Variants in GRB10 observed in about 807,000 individuals in gnomAD.
GRB10 encodes growth factor receptor bound protein 10.
Under a neutral mutation model 80.9 loss-of-function variants are expected in GRB10, and 20 were observed. The ratio of observed to expected loss-of-function variants is 0.25; its 90% confidence interval spans 0.17 to 0.36. GRB10 has a LOEUF of 0.36. Among genes scored for constraint, GRB10 ranks in the 10% least tolerant of loss-of-function variants. The pLI is 1.00. For synonymous variants in GRB10, 291 were observed against 291.5 expected (o/e 1.00, Z 0.02); for missense variants, 548 against 747.7 (o/e 0.73, Z 3.12).
At chr7:50,653,100 C>G (rs1223222757) in intron 7 of GRB10, among the ~76,000 whole-genome samples, 1 of 152,210 alleles carries the variant, frequency 6.6e-6, no homozygotes, top group Non-Finnish European at 1.5e-5. Context: ...CACACTCCCC[C>G]CTGCTGGCCT....
intron 18 of GRB10, among the ~76,000 whole-genome samples, chr7:50,595,159 C>T (rs533335688): frequency 1.3e-5 from 2 of 152,170 alleles, no homozygotes; most frequent in Admixed American, 6.5e-5. Context: ...TTCCTGCGAC[C>T]TTGATCCTCC....
At chr7:50,741,563 A>C (rs1473194795) in intron 3 of GRB10, among the ~76,000 whole-genome samples, 1 of 151,094 alleles carries the variant, frequency 6.6e-6, no homozygotes. Context: ...AAAAAAAAAA[A>C]AAAAAAAAAA....
chr7:50,619,760 T>A (rs2051325614), intron 8 of GRB10, among the ~76,000 whole-genome samples: 1 of 152,212 alleles, frequency 6.6e-6, no homozygotes, highest in Non-Finnish European at 1.5e-5. Context: ...AAGATGGTGC[T>A]GTGTACTGTG....
At chr7:50,711,714 G>A (rs766449364) in intron 4 of GRB10, among the ~76,000 whole-genome samples, 3 of 152,066 alleles carry the variant, frequency 2.0e-5, no homozygotes, top group Non-Finnish European at 2.9e-5. Context: ...CACACAAGCC[G>A]TCAGATACAG....
intron 17 of GRB10, among the ~76,000 whole-genome samples, chr7:50,597,671 A>C (rs1308405748): frequency 1.3e-5 from 2 of 152,198 alleles, no homozygotes; most frequent in African/African-American, 4.8e-5. Flanking sequence ...TCACCCTGGG[A>C]AGTCCCAAGG....
At chr7:50,678,306 A>G (rs1355833358) in intron 5 of GRB10, among the ~76,000 whole-genome samples, 1 of 152,252 alleles carries the variant, frequency 6.6e-6, no homozygotes, top group Non-Finnish European at 1.5e-5. Flanking sequence ...ACTATTTTCT[A>G]CTTTAATACA....
At chr7:50,694,365 C>T (rs1422765240) in intron 5 of GRB10, among the ~76,000 whole-genome samples, 1 of 152,138 alleles carries the variant, frequency 6.6e-6, no homozygotes, top group Non-Finnish European at 1.5e-5. Flanking sequence ...CTCTGCAATC[C>T]ATCACGAGGC....
rs186942323 is a variant in GRB10, at chr7:50,758,186, G to A, written c.-216-2130C>T. Reference sequence around the variant, plus strand: ...AAGCCTGCTGCAAACACAACCTCTCGGCTCTGTTTACAGTAGCCTCATCTG... The same window carrying A: ...AAGCCTGCTGCAAACACAACCTCTCAGCTCTGTTTACAGTAGCCTCATCTG... On this transcript the variant is annotated intron_variant, in intron 2 of 18. Coordinates refer to ENST00000401949, the MANE Select transcript of GRB10 (RefSeq NM_001350814.2). Among the ~76,000 whole-genome samples, 289 of 152,138 alleles carry A rather than the reference G, an allele frequency of 1.9e-3. 1 individual carries two copies. Among genetic ancestry groups the A allele is most frequent in the African/African-American group, 6.7e-3 (279 of 41,494 alleles).
Position 50,742,148 on chromosome 7 carries a change from A to T in GRB10, c.-46-9780T>A, listed in dbSNP as rs1244626003. ...TGAATGGACTTGGATGGAAGAACCA[A>T]TCAATGACCATAATTTGTCAAGGGA... On this transcript the variant is annotated intron_variant, in intron 3 of 18. Coordinates refer to ENST00000401949, the MANE Select transcript of GRB10 (RefSeq NM_001350814.2). Among the ~76,000 whole-genome samples, 10 of 152,212 alleles carry T rather than the reference A, an allele frequency of 6.6e-5. No individual in the cohort carries two copies. The South Asian group carries it at 8.3e-4, about 13-fold the overall frequency.
chr7:50,783,149 G>C (rs943677568), upstream of GRB10, among the ~76,000 whole-genome samples: 6 of 152,334 alleles, frequency 3.9e-5, no homozygotes, highest in East Asian at 1.2e-3. Flanking sequence ...TCGCGGCCGC[G>C]GCAAGCTAGA....
At chr7:50,655,612 C>G (rs1167987414) in intron 7 of GRB10, among the ~76,000 whole-genome samples, 2 of 152,212 alleles carry the variant, frequency 1.3e-5, no homozygotes, top group Non-Finnish European at 2.9e-5. Context: ...CCTGCACCTG[C>G]ATCCCAACCG....
intron 7 of GRB10, among the ~76,000 whole-genome samples, chr7:50,631,412 C>A (rs923756699): frequency 2.6e-5 from 4 of 152,206 alleles, no homozygotes; most frequent in Non-Finnish European, 1.5e-5. Flanking sequence ...GACCTTCACA[C>A]AGAAACCGAG....
chr7:50,710,704 T>A (rs1353259562), intron 4 of GRB10, among the ~76,000 whole-genome samples: 1 of 152,154 alleles, frequency 6.6e-6, no homozygotes, highest in Non-Finnish European at 1.5e-5. Context: ...CACATGCTGG[T>A]TAGTCTTGGG....
chr7:50,660,129 G>A (rs139406025), intron 7 of GRB10, among the ~76,000 whole-genome samples: 12 of 152,308 alleles, frequency 7.9e-5, no homozygotes, highest in East Asian at 1.9e-4. Flanking sequence ...GTGGTGCCGC[G>A]TTCATGCAGT....
chr7:50,655,245 T>C (rs1166811687), intron 7 of GRB10, among the ~76,000 whole-genome samples: 1 of 152,128 alleles, frequency 6.6e-6, no homozygotes, highest in Non-Finnish European at 1.5e-5. Context: ...CCTTTTTTGG[T>C]GACATCAGTG....
intron 8 of GRB10, among the ~76,000 whole-genome samples, chr7:50,622,550 G>A (rs2051988142): frequency 6.6e-6 from 1 of 152,100 alleles, no homozygotes; most frequent in South Asian, 2.1e-4. Flanking sequence ...AGATCTGGCG[G>A]AAACCCTCTT....
chr7:50,604,519 T>C, intron 15 of GRB10, 142 bp from the exon 16 acceptor site: 1 of 756,334 alleles, frequency 1.3e-6, no homozygotes, highest in Non-Finnish European at 2.4e-6. Flanking sequence ...AAGACCCCAC[T>C]GACCCCTGAG....
chr7:50,756,745 G>C (rs909996857), intron 2 of GRB10, among the ~76,000 whole-genome samples: 1 of 152,194 alleles, frequency 6.6e-6, no homozygotes, highest in East Asian at 1.9e-4. Context: ...AGTGACCTGG[G>C]CAACTCACTG....
In GRB10 at chr7:50,729,660, T is replaced by C. The variant is rs533641423; in HGVS notation, c.51+2612A>G. Reference sequence around the variant, plus strand: ...GTGGCATAATAAATGAGGAAATTTCTTGCTTCAGACCTTTTGATTTTAAAA... The same window carrying C: ...GTGGCATAATAAATGAGGAAATTTCCTGCTTCAGACCTTTTGATTTTAAAA... On this transcript the variant is annotated intron_variant, in intron 4 of 18. Coordinates refer to ENST00000401949, the MANE Select transcript of GRB10 (RefSeq NM_001350814.2). Among the ~76,000 whole-genome samples the C allele has an allele frequency of 6.6e-5, 10 of 152,154 alleles. 1 individual carries two copies. The South Asian group carries it at 2.1e-3, about 32-fold the overall frequency.
Sources: gnomAD v4.1 joint callset for allele counts (sites outside exome capture counted in the v4.1 genomes callset) on GRCh38, gnomAD v4.1.1 for gene constraint, MANE v1.5 for transcripts, NCBI Gene and HGNC (gene_info 2026-07-23, HGNC 2026-07-21) for gene names.